The following PRKAR1B variants were observed in gnomAD, a reference collection of about 807,000 sequenced individuals.
PRKAR1B encodes the protein cAMP-dependent protein kinase type I-beta regulatory subunit.
Under a neutral mutation model 46.5 loss-of-function variants are expected in PRKAR1B, and 22 were observed. The observed-to-expected ratio is 0.47, with a 90% CI of 0.34 to 0.68. The LOEUF is 0.68. Among genes scored for constraint, PRKAR1B ranks in the 30% least tolerant of loss-of-function variants. The pLI is 0.01. For missense variants in PRKAR1B, 445 were observed against 535.6 expected (o/e 0.83, Z 1.67); for synonymous variants, 259 against 217.7 (o/e 1.19, Z -1.67).
chr7:571,440 G>A (rs947077321), intron 9 of PRKAR1B, among the ~76,000 whole-genome samples: 4 of 152,230 alleles, frequency 2.6e-5, no homozygotes, highest in Admixed American at 2.0e-4. Flanking sequence ...GAGGAGGCGC[G>A]GGGCTCTGAT....
Position 593,436 on chromosome 7 carries a change from C to T in PRKAR1B, c.708+2710G>A, listed in dbSNP as rs574182050. ...GGCGCGGCCAGCTATTCTTAGCGCACAGGGACCCAAAATTAAAACAGAGGA... is the reference window on the plus strand; with the variant it reads ...GGCGCGGCCAGCTATTCTTAGCGCATAGGGACCCAAAATTAAAACAGAGGA... On this transcript the variant is annotated intron_variant, in intron 7 of 10. Transcript: ENST00000537384. The surrounding 1 kb of genome is among the most constrained non-coding windows in gnomAD (Gnocchi z 6.1). Among the ~76,000 whole-genome samples, 546 of 152,322 alleles carry T rather than the reference C, an allele frequency of 3.6e-3. 2 individuals are homozygous for T. The highest frequency in any genetic ancestry group is 0.017 in the Middle Eastern group (5 of 294).
At chr7:628,989 G>A (rs1385901858) in intron 4 of PRKAR1B, among the ~76,000 whole-genome samples, 2 of 152,186 alleles carry the variant, frequency 1.3e-5, no homozygotes, top group African/African-American at 2.4e-5. Context: ...CTGTGAGCCC[G>A]TGCCACTCCG....
chr7:722,214 C>A (rs552137972), intron 1 of PRKAR1B, among the ~76,000 whole-genome samples: 18 of 149,818 alleles, frequency 1.2e-4, no homozygotes, highest in African/African-American at 4.4e-4. Flanking sequence ...AATTCTCGTG[C>A]CTCAGCCTCC....
At chr7:590,856 G>C (rs970283816) in intron 7 of PRKAR1B, among the ~76,000 whole-genome samples, 1 of 152,076 alleles carries the variant, frequency 6.6e-6, no homozygotes, top group East Asian at 1.9e-4. Flanking sequence ...CAGTGACAAC[G>C]ATCTTTTCAG....
intron 4 of PRKAR1B, among the ~76,000 whole-genome samples, chr7:634,643 G>GTT (rs545415569): frequency 2.0e-4 from 28 of 142,740 alleles, no homozygotes; most frequent in Admixed American, 7.1e-4. Flanking sequence ...GCAACTTACT[G>GTT]TTTTTTTTTT....
At chr7:598,757 G>A (rs1244403128) in intron 6 of PRKAR1B, among the ~76,000 whole-genome samples, 2 of 152,240 alleles carry the variant, frequency 1.3e-5, no homozygotes, top group African/African-American at 2.4e-5. Context: ...GTCGGGAGGG[G>A]TTTGCTTGAC....
At chr7:559,732 A>G (rs1184016336) in intron 9 of PRKAR1B, among the ~76,000 whole-genome samples, 1 of 152,208 alleles carries the variant, frequency 6.6e-6, no homozygotes, top group Non-Finnish European at 1.5e-5. Flanking sequence ...ATGCACCCCA[A>G]GTCCCTTATG....
Position 677,251 on chromosome 7 carries a change from G to A in PRKAR1B, c.418C>T (p.His140Tyr). 1.2e-6 allele frequency: 2 copies of A among 1,614,230 alleles called. No homozygotes were observed. Among genetic ancestry groups the A allele is most frequent in the Non-Finnish European group, 1.7e-6 (2 of 1,180,040 alleles). ...KAISKNVLFA[H>Y]LDDNERSDIF... ...TACCTCCTCTCGTTGTCATCCAGGT[G>A]AGCGAAGAGCACGTTCTTGGAGATG... is the stretch of plus-strand genomic sequence containing the variant. The change falls in exon 4 of 11, where the codon CAC becomes TAC. Residue 140 changes from histidine (H) to tyrosine (Y), a missense_variant. Physicochemically the swap from His to Tyr is moderately conservative, Grantham distance 83. Coordinates refer to ENST00000537384, the MANE Select transcript of PRKAR1B (RefSeq NM_001164760.2).
intron 2 of PRKAR1B, among the ~76,000 whole-genome samples, chr7:684,875 G>GACACACACACACACACAC (rs142305067): frequency 1.5e-3 from 217 of 145,502 alleles, no homozygotes; most frequent in Middle Eastern, 3.5e-3. Flanking sequence ...ACTTCACACA[G>GACACACACACACACACAC]ACACACACAC....
intron 2 of PRKAR1B, among the ~76,000 whole-genome samples, chr7:701,477 T>C (rs941245407): frequency 6.6e-6 from 1 of 152,104 alleles, no homozygotes; most frequent in Non-Finnish European, 1.5e-5. Context: ...TTTGAAGACA[T>C]GATGGTTGAA....
At chr7:625,005 T>C (rs1373568484) in intron 4 of PRKAR1B, among the ~76,000 whole-genome samples, 2 of 152,142 alleles carry the variant, frequency 1.3e-5, no homozygotes, top group Non-Finnish European at 2.9e-5. Context: ...GAGAAAACAT[T>C]CTGGGCCATA....
chr7:601,138 C>T (rs543768096), intron 6 of PRKAR1B, among the ~76,000 whole-genome samples: 3 of 152,312 alleles, frequency 2.0e-5, no homozygotes, highest in Admixed American at 2.0e-4. Context: ...TCCTGATGGG[C>T]CTCCGGCACT....
chr7:551,298 C>T (rs1439141851), intron 10 of PRKAR1B, 91 bp downstream of exon 10: 2 of 1,263,190 alleles, frequency 1.6e-6, no homozygotes, highest in Admixed American at 2.1e-5. Context: ...CCAGGGAAGC[C>T]CCCCAGCAGC....
intron 4 of PRKAR1B, among the ~76,000 whole-genome samples, chr7:647,390 G>A (rs1583352273): frequency 2.0e-5 from 3 of 151,940 alleles, no homozygotes; most frequent in South Asian, 2.1e-4. Context: ...TAGCCTCCTC[G>A]TCCTCTCCCA....
At chr7:635,341 G>A (rs1324926188) in intron 4 of PRKAR1B, among the ~76,000 whole-genome samples, 1 of 152,226 alleles carries the variant, frequency 6.6e-6, no homozygotes, top group Non-Finnish European at 1.5e-5. Context: ...TGGGCCAGAT[G>A]TCATGTTCGC....
At chr7:683,279 G>T (rs113205195) in intron 2 of PRKAR1B, among the ~76,000 whole-genome samples, 1 of 152,214 alleles carries the variant, frequency 6.6e-6, no homozygotes, top group Admixed American at 6.5e-5. Flanking sequence ...CCAGCCCTAT[G>T]TCTGGGTATC....
chr7:606,872 T>A (rs1200681049), intron 5 of PRKAR1B, among the ~76,000 whole-genome samples: 1 of 149,540 alleles, frequency 6.7e-6, no homozygotes, highest in Admixed American at 6.6e-5. Flanking sequence ...TATGTATCTA[T>A]TTTATACACA....
At chr7:675,398 C>T (rs755289210) in intron 4 of PRKAR1B, among the ~76,000 whole-genome samples, 12 of 152,182 alleles carry the variant, frequency 7.9e-5, no homozygotes, top group African/African-American at 2.2e-4. Flanking sequence ...CGTTGCCCTC[C>T]GGGAGGGGGA....
intron 9 of PRKAR1B, among the ~76,000 whole-genome samples, chr7:570,934 C>T (rs1219009081): frequency 6.6e-6 from 1 of 152,206 alleles, no homozygotes; most frequent in Non-Finnish European, 1.5e-5. Context: ...CTTCCAAGCC[C>T]TCATGTCCTT....
Sources: allele counts gnomAD v4.1 joint callset (sites outside exome capture counted in the v4.1 genomes callset), GRCh38; gene constraint gnomAD v4.1.1; non-coding constraint Gnocchi (gnomAD v3.1); transcripts MANE v1.5; gene names NCBI Gene and HGNC (gene_info 2026-07-23, HGNC 2026-07-21).